Variants in RIMKLA observed in about 807,000 individuals in gnomAD.
RIMKLA encodes the protein ribosomal modification protein rimK like family member A.
In RIMKLA, 14 loss-of-function variants were observed where a neutral mutation model predicts 32.7. That is an observed-to-expected ratio of 0.43 (90% CI 0.28 to 0.67). The LOEUF is 0.67. Ranked by LOEUF, RIMKLA falls within the 30% of genes least tolerant of loss-of-function variation. The pLI is 0.18. For missense variants in RIMKLA, 410 were observed against 519.0 expected (o/e 0.79, Z 2.04); for synonymous variants, 176 against 204.1 (o/e 0.86, Z 1.18).
At chr1:42,411,646 TATTATTTA>T (rs1190556338) in intron 4 of RIMKLA, among the ~76,000 whole-genome samples, 9 of 135,072 alleles carry the variant, frequency 6.7e-5, no homozygotes, top group African/African-American at 2.7e-4. Flanking sequence ...TTTTTATTTT[TATTATTTA>T]TTTATTTATT....
At position 42,422,188 on chromosome 1, in the gene RIMKLA, A is replaced by G. The variant is rs1160124738; in HGVS notation, c.*7214A>G. 6.6e-6 allele frequency: 1 copy of G among 152,268 alleles called. No homozygotes were observed. Among genetic ancestry groups the G allele is most frequent in the Non-Finnish European group, 1.5e-5 (1 of 68,050 alleles). 9.4% of individuals were successfully genotyped at this position (152,268 alleles called of 1,614,324 possible). On this transcript the variant is annotated 3_prime_UTR_variant, in exon 5 of 5. Transcript: ENST00000431473. ...CATTTGTGTTGTATTTCTCAGAAGCAAGTGTCCTAGTGTAATGTGCACAAG... is the reference window on the plus strand; with the variant it reads ...CATTTGTGTTGTATTTCTCAGAAGCGAGTGTCCTAGTGTAATGTGCACAAG...
rs1279997473 is a variant in RIMKLA, at chr1:42,414,774, C to G, written c.976C>G (p.Pro326Ala). Residue 326 changes from proline to alanine, a missense_variant, in exon 5 of 5, where the codon CCG (proline) becomes GCG (alanine). Coordinates refer to ENST00000431473, the MANE Select transcript of RIMKLA (RefSeq NM_173642.4). Reference protein sequence around the residue: ...GLSSPREKNEPDGCASAQGVA... With the variant: ...GLSSPREKNEADGCASAQGVA... ...GTCGAGTCCAAGGGAGAAGAACGAG[C>G]CGGATGGCTGTGCTTCAGCTCAGGG... 11 of 1,613,956 alleles carry G rather than the reference C, an allele frequency of 6.8e-6. No individual in the cohort carries two copies. The highest frequency in any genetic ancestry group is 2.2e-5 in the East Asian group (1 of 44,890).
At chr1:42,398,082 G>A (rs1038823578) in intron 1 of RIMKLA, among the ~76,000 whole-genome samples, 5 of 152,154 alleles carry the variant, frequency 3.3e-5, no homozygotes, top group Admixed American at 3.3e-4. Flanking sequence ...TCTCCCTATA[G>A]CATCTATTCA....
intron 1 of RIMKLA, among the ~76,000 whole-genome samples, chr1:42,394,927 C>T (rs185786922): frequency 1.3e-5 from 2 of 151,886 alleles, no homozygotes; most frequent in African/African-American, 2.4e-5. Flanking sequence ...TTAGTAGAGA[C>T]GGGGTTTCAT....
intron 4 of RIMKLA, chr1:42,412,482 G>A (rs9803894): frequency 0.37 from 127,141 of 340,250 alleles, 25,101 homozygotes; most frequent in Middle Eastern, 0.47. Flanking sequence ...TGCCAGCTGA[G>A]GTTGTCAGTA....
intron 1 of RIMKLA, among the ~76,000 whole-genome samples, chr1:42,381,667 C>T (rs1424115499): frequency 6.6e-6 from 1 of 152,110 alleles, no homozygotes; most frequent in Non-Finnish European, 1.5e-5. Flanking sequence ...GGGTTTAACT[C>T]ATCCTTCTCC....
intron 1 of RIMKLA, among the ~76,000 whole-genome samples, chr1:42,384,541 G>GTATATATATGTGTGTATATA (rs1642918713): frequency 7.3e-6 from 1 of 137,462 alleles, no homozygotes; most frequent in Non-Finnish European, 1.6e-5. Context: ...ACATATATAT[G>GTATATATATGTGTGTATATA]TATATATATG....
At chr1:42,386,554 AT>A (rs1022363155) in intron 1 of RIMKLA, among the ~76,000 whole-genome samples, 4 of 149,250 alleles carry the variant, frequency 2.7e-5, no homozygotes, top group Admixed American at 6.7e-5. Flanking sequence ...ATTCTGAAAA[AT>A]TTTTTATAGA....
At chr1:42,401,128 C>T (rs372564101) in intron 2 of RIMKLA, among the ~76,000 whole-genome samples, 2 of 151,946 alleles carry the variant, frequency 1.3e-5, no homozygotes, top group Admixed American at 6.6e-5. Flanking sequence ...TTCTCATAAG[C>T]GGTGCACAAC....
At chr1:42,388,526 T>TG (rs1222108875) in intron 1 of RIMKLA, among the ~76,000 whole-genome samples, 1 of 148,374 alleles carries the variant, frequency 6.7e-6, no homozygotes, top group Non-Finnish European at 1.5e-5. Flanking sequence ...TGTTTTTTTT[T>TG]TTTTTTTTTT....
chr1:42,410,969 T>C (rs1643192380), intron 4 of RIMKLA, among the ~76,000 whole-genome samples: 2 of 152,184 alleles, frequency 1.3e-5, no homozygotes, highest in African/African-American at 4.8e-5. Flanking sequence ...GAACAGATTA[T>C]GTGTTGGATG....
At chr1:42,407,156 G>A (rs1232709360) in intron 3 of RIMKLA, among the ~76,000 whole-genome samples, 11 of 151,970 alleles carry the variant, frequency 7.2e-5, no homozygotes, top group Admixed American at 3.9e-4. Flanking sequence ...TCCACCCACC[G>A]CAGCCTCCCA....
At chr1:42,388,528 T>G (rs1311299238) in intron 1 of RIMKLA, among the ~76,000 whole-genome samples, 2 of 150,056 alleles carry the variant, frequency 1.3e-5, no homozygotes. Flanking sequence ...TTTTTTTTTT[T>G]TTTTTTTTTG....
intron 1 of RIMKLA, among the ~76,000 whole-genome samples, chr1:42,391,466 G>A (rs1397080109): frequency 2.0e-5 from 3 of 152,130 alleles, no homozygotes; most frequent in Non-Finnish European, 2.9e-5. Context: ...AATCTGTGGC[G>A]AGAGGGGAGA....
At chr1:42,409,963 T>A (rs760708149) in intron 3 of RIMKLA, 21 bp from the exon 4 acceptor site, 23 of 1,602,286 alleles carry the variant, frequency 1.4e-5, no homozygotes, top group Non-Finnish European at 1.9e-5. Flanking sequence ...ACCCCTTCTC[T>A]TGCTCTTTTT....
intron 1 of RIMKLA, among the ~76,000 whole-genome samples, chr1:42,394,495 G>A (rs886887651): frequency 3.3e-5 from 5 of 152,160 alleles, no homozygotes; most frequent in African/African-American, 1.2e-4. Flanking sequence ...ATGTGTGAAA[G>A]TTCTTAGCAA....
chr1:42,381,743 T>G (rs1276223286), intron 1 of RIMKLA, among the ~76,000 whole-genome samples: 1 of 152,250 alleles, frequency 6.6e-6, no homozygotes, highest in Non-Finnish European at 1.5e-5. Context: ...CTGGCCTCAC[T>G]GATCACTCCA....
intron 3 of RIMKLA, among the ~76,000 whole-genome samples, chr1:42,408,843 G>A (rs938190352): frequency 1.3e-5 from 2 of 152,158 alleles, no homozygotes; most frequent in Admixed American, 1.3e-4. Flanking sequence ...GACTGGGCAT[G>A]CTCATGTCAG....
intron 2 of RIMKLA, among the ~76,000 whole-genome samples, chr1:42,400,195 G>A (rs1185443514): frequency 2.0e-5 from 3 of 151,982 alleles, no homozygotes; most frequent in Non-Finnish European, 4.4e-5. Context: ...GGTATTCTGA[G>A]TAGTTTGTAG....
Sources: gnomAD v4.1 joint callset for allele counts (sites outside exome capture counted in the v4.1 genomes callset) on GRCh38, gnomAD v4.1.1 for gene constraint, MANE v1.5 for transcripts, NCBI Gene and HGNC (gene_info 2026-07-23, HGNC 2026-07-21) for gene names.